Variants in ISM1 observed in about 807,000 individuals in gnomAD.
ISM1 encodes isthmin 1.
A neutral mutation model predicts 46.3 loss-of-function variants in ISM1; 25 were observed. The ratio of observed to expected loss-of-function variants is 0.54; its 90% CI spans 0.39 to 0.75. The LOEUF (loss-of-function observed/expected upper bound fraction) is 0.75, where lower values mean the gene tolerates loss of function less well. ISM1 is among the 30% of genes least tolerant of loss of function. ISM1 has a pLI of 0.00. For missense variants in ISM1, 536 were observed against 625.4 expected, an observed-to-expected ratio of 0.86 and a Z score of 1.52; for synonymous variants, 255 against 256.7, an observed-to-expected ratio of 0.99 and a Z score of 0.06.
intron 1 of ISM1, among the ~76,000 whole-genome samples, chr20:13,267,507 C>T (rs1376329630): frequency 1.3e-5 from 2 of 152,224 alleles, no homozygotes; most frequent in South Asian, 2.1e-4. Context: ...ACTAATCCTG[C>T]GGGGAGGGTA....
downstream of ISM1, among the ~76,000 whole-genome samples, chr20:13,303,000 A>G (rs2040471753): frequency 1.3e-5 from 2 of 152,322 alleles, no homozygotes; most frequent in South Asian, 4.1e-4. Flanking sequence ...AACAGCTACT[A>G]TACAAGCCAC....
intron 1 of ISM1, among the ~76,000 whole-genome samples, chr20:13,243,377 G>A (rs1002123237): frequency 1.8e-4 from 27 of 152,224 alleles, no homozygotes; most frequent in African/African-American, 5.5e-4. Context: ...CCTTTGATGC[G>A]GGATGACTTG....
chr20:13,299,463 G>A lies in ISM1; in HGVS notation c.*4G>A, dbSNP rs373175545. On this transcript the variant is annotated 3_prime_UTR_variant, in exon 6 of 6. Coordinates refer to ENST00000262487, the MANE Select transcript of ISM1 (RefSeq NM_080826.2). The surrounding 1 kb of genome is among the most constrained non-coding windows in gnomAD (Gnocchi z 5.8). ...CCAAGAGGCCAGGGAATATTAAAGA[G>A]ACTGGGATGAGGTGGAGGACGCTGC... The A allele has an allele frequency of 6.3e-7, 1 of 1,588,942 alleles. No individual in the cohort carries two copies. Among genetic ancestry groups the A allele is most frequent in the South Asian group, 1.1e-5 (1 of 90,442 alleles).
At chr20:13,271,171 A>G (rs2040111221) in intron 2 of ISM1, among the ~76,000 whole-genome samples, 1 of 152,248 alleles carries the variant, frequency 6.6e-6, no homozygotes, top group South Asian at 2.1e-4. Context: ...ATGAGTTCAA[A>G]GCACTCAGGA....
In ISM1 at chr20:13,299,620, GC is replaced by G; in HGVS notation, c.*164del. 1.4e-6 allele frequency: 1 copy of G among 721,924 alleles called. No individual in the cohort carries two copies. Among genetic ancestry groups the G allele is most frequent in the Non-Finnish European group, 2.2e-6 (1 of 456,918 alleles). The allele number at this position is 721,924 out of a possible 1,614,324, so 44.7% of individuals were successfully genotyped here. ...ACATTACGCTAGGGGCGTGTGCCAC[GC>G]CCAGGGGACTGCCTTGTGAAGCCGC... On this transcript the variant is annotated 3_prime_UTR_variant, in exon 6 of 6. Transcript: ENST00000262487. This position sits in a 1 kb window ranked among gnomAD's most constrained non-coding sequence, Gnocchi z 5.8.
rs772289190 is a variant in ISM1 at position 13,279,654 on chromosome 20, C to T, written c.399C>T (p.Asp133=). Reference sequence around the variant, plus strand: ...TTCAGGTCACCATAGAGGTGGTCGACGGTCCTGACTCTGAAGCAGATAAAG... The same window carrying T: ...TTCAGGTCACCATAGAGGTGGTCGATGGTCCTGACTCTGAAGCAGATAAAG... ...PNIQVTIEVV[D]GPDSEADKDQ... The change falls in exon 3 of 6, where the codon GAC becomes GAT. Residue 133 remains aspartate, a synonymous_variant. Coordinates refer to ENST00000262487, the MANE Select transcript of ISM1 (RefSeq NM_080826.2). 31 of 1,613,650 alleles carry T rather than the reference C, an allele frequency of 1.9e-5. No homozygotes were observed. The highest frequency in any genetic ancestry group is 1.6e-4 in the Middle Eastern group (1 of 6,082).
chr20:13,285,311 A>G (rs2123297935), intron 3 of ISM1, among the ~76,000 whole-genome samples: 1 of 142,400 alleles, frequency 7.0e-6, no homozygotes, highest in Middle Eastern at 3.5e-3. Context: ...ATAAAAAAGA[A>G]AGGAAAAAAA....
rs1195471362 is a variant in ISM1, at chr20:13,294,281, C to T, written c.877+1818C>T. Among the ~76,000 whole-genome samples, 13 of 152,296 alleles carry T rather than the reference C, an allele frequency of 8.5e-5. No homozygotes were observed. The South Asian group carries it at 2.3e-3, about 27-fold the overall frequency. On this transcript the variant is annotated intron_variant, in intron 5 of 5. Transcript: ENST00000262487. ...TGGATGCAGTTTGGAAATTCAGTGTCGCTAGGGCCTCTACCTCATCCCTCC... is the reference window on the plus strand; with the variant it reads ...TGGATGCAGTTTGGAAATTCAGTGTTGCTAGGGCCTCTACCTCATCCCTCC...
the ISM1 span, among the ~76,000 whole-genome samples, chr20:13,318,135 A>AT: frequency 1.5e-5 from 2 of 136,868 alleles, no homozygotes; most frequent in East Asian, 2.1e-4. Flanking sequence ...GGACACTTGA[A>AT]AAAATAAATA....
intron 2 of ISM1, among the ~76,000 whole-genome samples, chr20:13,272,703 A>G (rs1370554555): frequency 6.6e-6 from 1 of 152,238 alleles, no homozygotes; most frequent in Non-Finnish European, 1.5e-5. Context: ...TTTGGCTCCA[A>G]TGGCCCCTCT....
At chr20:13,298,822 G>C in intron 5 of ISM1, 120 bp from the exon 6 acceptor site, 1 of 935,488 alleles carries the variant, frequency 1.1e-6, no homozygotes, top group Non-Finnish European at 1.6e-6. Context: ...TCAGGGAGTT[G>C]TTGACTTTAG....
At chr20:13,306,247 T>C in the ISM1 span, among the ~76,000 whole-genome samples, 2 of 152,302 alleles carry the variant, frequency 1.3e-5, no homozygotes, top group East Asian at 3.9e-4. Context: ...CAAGCCTGAC[T>C]TTTAAAAAAG....
chr20:13,310,808 G>A, the ISM1 span, among the ~76,000 whole-genome samples: 5 of 152,180 alleles, frequency 3.3e-5, no homozygotes, highest in African/African-American at 7.2e-5. Context: ...ATGGATATAT[G>A]TAAAGTTGCT....
chr20:13,233,286 G>A (rs761769474), intron 1 of ISM1, among the ~76,000 whole-genome samples: 5 of 152,090 alleles, frequency 3.3e-5, no homozygotes, highest in Non-Finnish European at 7.4e-5. Context: ...TCAGGGAGTA[G>A]GAAGAGCAAA....
intron 1 of ISM1, among the ~76,000 whole-genome samples, chr20:13,263,932 C>A (rs1166432881): frequency 6.6e-6 from 1 of 152,086 alleles, no homozygotes; most frequent in Admixed American, 6.5e-5. Context: ...ATAATATCTT[C>A]TTTAATATCT....
chr20:13,257,709 C>CT (rs1274029067), intron 1 of ISM1, among the ~76,000 whole-genome samples: 1 of 150,072 alleles, frequency 6.7e-6, no homozygotes, highest in Non-Finnish European at 1.5e-5. Flanking sequence ...GTGTATTTTC[C>CT]TTAAAAAAAA....
Position 13,227,651 on chromosome 20 carries a change from G to A in ISM1, c.138+5737G>A, listed in dbSNP as rs1185423655. Among the ~76,000 whole-genome samples, 4 of 151,572 alleles carry A rather than the reference G, an allele frequency of 2.6e-5. No individual in the cohort carries two copies. In the East Asian group the frequency reaches 7.8e-4, roughly 29 times the overall value. ...AGCCTCCCGGGTAGCTGGGACTACA[G>A]GCGCCCGCCACCATGCCTGGCTAAT... On this transcript the variant is annotated intron_variant, in intron 1 of 5. Transcript: ENST00000262487.
At chr20:13,223,680 G>A (rs1335401365) in intron 1 of ISM1, among the ~76,000 whole-genome samples, 1 of 152,196 alleles carries the variant, frequency 6.6e-6, no homozygotes, top group Non-Finnish European at 1.5e-5. Flanking sequence ...TCTCCCGTGG[G>A]TAGATAAGTA....
chr20:13,286,023 C>A (rs137855815), intron 3 of ISM1, among the ~76,000 whole-genome samples: 10 of 152,318 alleles, frequency 6.6e-5, no homozygotes, highest in African/African-American at 2.4e-4. Flanking sequence ...ACCCACCCCA[C>A]AGGTGATGCA....
Sources: gnomAD v4.1 joint callset for allele counts (sites outside exome capture counted in the v4.1 genomes callset) on GRCh38, gnomAD v4.1.1 for gene constraint, Gnocchi (gnomAD v3.1) non-coding constraint, MANE v1.5 for transcripts, NCBI Gene and HGNC (gene_info 2026-07-23, HGNC 2026-07-21) for gene names.